RGS7: variants seen among roughly 807,000 people sequenced by gnomAD.
The protein encoded by RGS7 is regulator of G protein signaling 7.
A neutral mutation model predicts 81.1 loss-of-function variants in RGS7; 27 were observed. The ratio of observed to expected loss-of-function variants is 0.33; its 90% confidence interval spans 0.25 to 0.46. The LOEUF is 0.46. Ranked by LOEUF, RGS7 falls within the 20% of genes least tolerant of loss-of-function variation. The probability of loss-of-function intolerance (pLI) is 1.00; values close to 1 mark genes in which losing one functional copy is unlikely to be tolerated. For synonymous variants in RGS7, 208 were observed against 207.7 expected, an observed-to-expected ratio of 1.00 and a Z score of -0.01; for missense variants, 396 against 607.4, an observed-to-expected ratio of 0.65 and a Z score of 3.66.
At chr1:241,313,785 T>C (rs769488337) in intron 2 of RGS7, among the ~76,000 whole-genome samples, 27 of 152,320 alleles carry the variant, frequency 1.8e-4, no homozygotes, top group Non-Finnish European at 3.8e-4. Context: ...CATTAAGAAC[T>C]TTCATAATTC....
chr1:240,955,551 CAAAAAAAAAAAAAAAA>C (rs369155474), intron 4 of RGS7, among the ~76,000 whole-genome samples: 7 of 140,266 alleles, frequency 5.0e-5, no homozygotes, highest in East Asian at 2.1e-4. Flanking sequence ...GACTCTGTCT[CAAAAAAAAAAAAAAAA>C]AAAAAAAAAA....
chr1:240,920,361 G>C, intron 6 of RGS7: 1 of 1,535,994 alleles, frequency 6.5e-7, no homozygotes, highest in Non-Finnish European at 8.9e-7. Flanking sequence ...TGGTGGATAT[G>C]GTGGCAGTGG....
At chr1:241,311,937 C>A (rs1456728951) in intron 2 of RGS7, among the ~76,000 whole-genome samples, 1 of 152,188 alleles carries the variant, frequency 6.6e-6, no homozygotes, top group African/African-American at 2.4e-5. Context: ...CTCTGAGCTT[C>A]TCTCCTTTTA....
chr1:241,218,797 A>G (rs1228109481), intron 2 of RGS7, among the ~76,000 whole-genome samples: 2 of 151,162 alleles, frequency 1.3e-5, no homozygotes, highest in African/African-American at 2.4e-5. Context: ...GGCACACACC[A>G]CCACACCTGG....
chr1:241,056,308 A>G (rs997396258), intron 3 of RGS7, among the ~76,000 whole-genome samples: 1 of 152,210 alleles, frequency 6.6e-6, no homozygotes, highest in Admixed American at 6.5e-5. Flanking sequence ...TTATCTCTAA[A>G]GTAACACCTT....
intron 2 of RGS7, among the ~76,000 whole-genome samples, chr1:241,243,618 C>A (rs1301797178): frequency 6.6e-6 from 1 of 152,074 alleles, no homozygotes. Context: ...ACTTGAGCAA[C>A]TAAATCCTTG....
At chr1:241,292,372 AAT>A (rs2079139003) in intron 2 of RGS7, among the ~76,000 whole-genome samples, 1 of 151,984 alleles carries the variant, frequency 6.6e-6, no homozygotes, top group Non-Finnish European at 1.5e-5. Flanking sequence ...CTTAGTGCAA[AAT>A]AAAAAGAGAG....
intron 2 of RGS7, among the ~76,000 whole-genome samples, chr1:241,275,350 A>G (rs1254436327): frequency 1.3e-5 from 2 of 152,212 alleles, no homozygotes; most frequent in African/African-American, 2.4e-5. Context: ...GAAAGGTAAT[A>G]TTTAGTAGGA....
At chr1:241,338,759 T>C (rs2082376814) in intron 2 of RGS7, among the ~76,000 whole-genome samples, 1 of 150,442 alleles carries the variant, frequency 6.6e-6, no homozygotes, top group Non-Finnish European at 1.5e-5. Flanking sequence ...AATATATATA[T>C]GTATACTGGA....
At chr1:240,920,063 T>G in intron 6 of RGS7, 1 of 992,314 alleles carries the variant, frequency 1.0e-6, no homozygotes, top group Non-Finnish European at 1.6e-6. Context: ...AAATCATGAC[T>G]GATTGAGGCA....
At chr1:241,285,849 T>A (rs1367280228) in intron 2 of RGS7, among the ~76,000 whole-genome samples, 1 of 152,150 alleles carries the variant, frequency 6.6e-6, no homozygotes. Context: ...ACGCCCCATC[T>A]TTTCCCCACT....
At chr1:240,904,444 T>G (rs1349630884) in intron 6 of RGS7, among the ~76,000 whole-genome samples, 1 of 152,146 alleles carries the variant, frequency 6.6e-6, no homozygotes, top group African/African-American at 2.4e-5. Flanking sequence ...AATTTTGGAG[T>G]AAGTTTATTT....
chr1:240,927,326 A>G (rs750457390), intron 6 of RGS7, among the ~76,000 whole-genome samples: 1 of 152,116 alleles, frequency 6.6e-6, no homozygotes, highest in South Asian at 2.1e-4. Context: ...CAGCCTACCA[A>G]TGTGTTGGGA....
At chr1:241,146,772 T>A (rs2103108528) in intron 2 of RGS7, among the ~76,000 whole-genome samples, 1 of 152,338 alleles carries the variant, frequency 6.6e-6, no homozygotes, top group Non-Finnish European at 1.5e-5. Context: ...AGGAATGTAT[T>A]GCTCACAGTT....
At chr1:241,021,617 A>AT (rs1558608412) in intron 3 of RGS7, among the ~76,000 whole-genome samples, 1 of 152,142 alleles carries the variant, frequency 6.6e-6, no homozygotes, top group East Asian at 1.9e-4. Flanking sequence ...CTCCCTATCC[A>AT]TAACTTTCAA....
intron 4 of RGS7, among the ~76,000 whole-genome samples, chr1:240,937,929 A>G (rs1407787898): frequency 1.3e-5 from 2 of 152,194 alleles, no homozygotes; most frequent in Non-Finnish European, 2.9e-5. Flanking sequence ...AGGCTGTAAT[A>G]CTCATACTGT....
rs570752638 is a variant in RGS7 at position 240,952,858 on chromosome 1, CA to C, written c.227-16153del. On this transcript the variant is annotated intron_variant, in intron 4 of 18. Coordinates refer to ENST00000440928, the MANE Select transcript of RGS7 (RefSeq NM_001364886.1). The stretch of plus-strand genomic sequence containing the variant: ...AAGGGGGGAAAAGAGATACCATGTT[CA>C]CACTAATCAAAATCTTTTGAAATAG... Among the ~76,000 whole-genome samples, 202 of 151,892 alleles carry C rather than the reference CA, an allele frequency of 1.3e-3. 1 individual carries two copies. The highest frequency in any genetic ancestry group is 4.7e-3 in the African/African-American group (194 of 41,540).
chr1:241,281,756 A>G (rs1254867235), intron 2 of RGS7, among the ~76,000 whole-genome samples: 1 of 152,212 alleles, frequency 6.6e-6, no homozygotes, highest in Non-Finnish European at 1.5e-5. Flanking sequence ...ACTTTATCAT[A>G]AGAATATAAT....
chr1:240,799,186 C>T (rs1687584924), intron 18 of RGS7, among the ~76,000 whole-genome samples: 1 of 151,392 alleles, frequency 6.6e-6, no homozygotes, highest in Non-Finnish European at 1.5e-5. Context: ...AAAAAGATTG[C>T]ATTTTATTTT....
Sources: allele counts gnomAD v4.1 joint callset (sites outside exome capture counted in the v4.1 genomes callset), GRCh38; gene constraint gnomAD v4.1.1; transcripts MANE v1.5; gene names NCBI Gene and HGNC (gene_info 2026-07-23, HGNC 2026-07-21).